MLLT10: variants seen among roughly 807,000 people sequenced by gnomAD.
The protein encoded by MLLT10 is MLLT10 histone lysine methyltransferase DOT1L cofactor, also known as protein AF-10.
Under a neutral mutation model 129.1 loss-of-function variants are expected in MLLT10, and 30 were observed. That is an observed-to-expected ratio of 0.23 (90% confidence interval 0.17 to 0.32). The LOEUF (loss-of-function observed/expected upper bound fraction) is 0.32. Among genes scored for constraint, MLLT10 ranks in the 10% least tolerant of loss-of-function variants. The pLI, the probability that MLLT10 is intolerant of heterozygous loss-of-function variation, is 1.00. For missense variants in MLLT10, 1,119 were observed against 1,268.3 expected (o/e 0.88, Z 1.79); for synonymous variants, 490 against 446.4 (o/e 1.10, Z -1.23).
intron 13 of MLLT10, among the ~76,000 whole-genome samples, chr10:21,696,380 A>G (rs987073463): frequency 7.9e-5 from 12 of 151,830 alleles, no homozygotes; most frequent in African/African-American, 2.2e-4. Context: ...GGTAATTTTA[A>G]TTAGGAAGGG....
At chr10:21,634,007 A>G (rs571858204) in intron 8 of MLLT10, among the ~76,000 whole-genome samples, 1 of 152,218 alleles carries the variant, frequency 6.6e-6, no homozygotes, top group East Asian at 1.9e-4. Context: ...TGGGAAGCCA[A>G]GGTGGGTGGA....
intron 17 of MLLT10, among the ~76,000 whole-genome samples, chr10:21,731,891 T>C (rs2057999886): frequency 6.6e-6 from 1 of 152,220 alleles, no homozygotes; most frequent in African/African-American, 2.4e-5. Flanking sequence ...ATTTTGCTTA[T>C]TGTTGGCTAG....
At chr10:21,568,780 G>A (rs574132885) in intron 3 of MLLT10, among the ~76,000 whole-genome samples, 29 of 152,230 alleles carry the variant, frequency 1.9e-4, no homozygotes, top group African/African-American at 6.7e-4. Flanking sequence ...GCGGTTACAG[G>A]AGCCTGCTAC....
chr10:21,672,580 C>G (rs2051574444), intron 10 of MLLT10, among the ~76,000 whole-genome samples: 1 of 152,106 alleles, frequency 6.6e-6, no homozygotes, highest in Non-Finnish European at 1.5e-5. Context: ...GCTGGGATTA[C>G]AGGCATGAGC....
At chr10:21,736,319 C>G (rs1354066178) in intron 21 of MLLT10, among the ~76,000 whole-genome samples, 1 of 152,188 alleles carries the variant, frequency 6.6e-6, no homozygotes, top group African/African-American at 2.4e-5. Flanking sequence ...GAGTTTTGCT[C>G]TGTCGCCCAG....
At chr10:21,602,449 G>C (rs1225531642) in intron 5 of MLLT10, among the ~76,000 whole-genome samples, 2 of 152,068 alleles carry the variant, frequency 1.3e-5, no homozygotes, top group African/African-American at 4.8e-5. Context: ...TTTTTATAGG[G>C]TTATGTCAAG....
intron 8 of MLLT10, among the ~76,000 whole-genome samples, chr10:21,622,294 A>ACT (rs2045958762): frequency 6.7e-6 from 1 of 149,424 alleles, no homozygotes; most frequent in Non-Finnish European, 1.5e-5. Context: ...AGTAGCTGGG[A>ACT]CTACCAGCGT....
At chr10:21,616,539 A>G (rs988384242) in intron 7 of MLLT10, among the ~76,000 whole-genome samples, 5 of 152,156 alleles carry the variant, frequency 3.3e-5, no homozygotes, top group African/African-American at 1.2e-4. Context: ...CTTTTTAGTA[A>G]TGCTTTGAAA....
intron 13 of MLLT10, among the ~76,000 whole-genome samples, chr10:21,685,719 T>C (rs1217649806): frequency 1.3e-5 from 2 of 151,802 alleles, no homozygotes; most frequent in African/African-American, 2.4e-5. Context: ...GAAACAACTC[T>C]ATTACTTTAG....
intron 5 of MLLT10, among the ~76,000 whole-genome samples, chr10:21,605,146 G>C (rs2043933974): frequency 6.6e-6 from 1 of 151,458 alleles, no homozygotes; most frequent in Non-Finnish European, 1.5e-5. Context: ...GCTTAGCCTA[G>C]TCTACCTTAA....
chr10:21,602,024 A>G (rs910892947), intron 5 of MLLT10, among the ~76,000 whole-genome samples: 4 of 152,188 alleles, frequency 2.6e-5, no homozygotes, highest in Non-Finnish European at 5.9e-5. Flanking sequence ...AATTTGAGAA[A>G]TCTGTGATTC....
At chr10:21,575,425 G>C (rs1456429419) in intron 3 of MLLT10, among the ~76,000 whole-genome samples, 1 of 152,120 alleles carries the variant, frequency 6.6e-6, no homozygotes, top group Non-Finnish European at 1.5e-5. Flanking sequence ...TTGAACTTGC[G>C]ACCTCAGATG....
chr10:21,736,509 C>T (rs2058376961), intron 21 of MLLT10, among the ~76,000 whole-genome samples: 2 of 152,176 alleles, frequency 1.3e-5, no homozygotes, highest in Admixed American at 1.3e-4. Context: ...GTCTTGAACT[C>T]CTGACCTCAA....
intron 9 of MLLT10, 53 bp downstream of exon 9, chr10:21,651,821 A>C: frequency 1.7e-6 from 2 of 1,187,924 alleles, no homozygotes; most frequent in African/African-American, 1.6e-5. Context: ...TATTGTGCTG[A>C]TTTTCACCTC....
chr10:21,571,964 T>C (rs1331954379), intron 3 of MLLT10: 1 of 152,246 alleles, frequency 6.6e-6, no homozygotes, highest in East Asian at 1.9e-4. Context: ...TATCAGTGTT[T>C]TCTTTTGTAG....
At chr10:21,708,896 T>C (rs1224622137) in intron 13 of MLLT10, among the ~76,000 whole-genome samples, 1 of 152,220 alleles carries the variant, frequency 6.6e-6, no homozygotes, top group Non-Finnish European at 1.5e-5. Flanking sequence ...TGGCCGTAGC[T>C]ACCATTTATT....
chr10:21,703,258 T>C (rs2055100368), intron 13 of MLLT10, among the ~76,000 whole-genome samples: 1 of 152,104 alleles, frequency 6.6e-6, no homozygotes, highest in Non-Finnish European at 1.5e-5. Context: ...GAAGGATAAT[T>C]TTGCTGTATG....
chr10:21,683,676 A>G (rs2052980737), intron 13 of MLLT10, among the ~76,000 whole-genome samples: 2 of 151,832 alleles, frequency 1.3e-5, no homozygotes, highest in African/African-American at 4.8e-5. Context: ...AAAAATTTGT[A>G]CAGTATTTTC....
chr10:21,562,822 T>G (rs1468098842), intron 3 of MLLT10, among the ~76,000 whole-genome samples: 4 of 132,058 alleles, frequency 3.0e-5, no homozygotes, highest in East Asian at 2.0e-4. Flanking sequence ...TTTTTTGTTT[T>G]TTTTTTTTTT....
Sources: gnomAD v4.1 joint callset for allele counts (sites outside exome capture counted in the v4.1 genomes callset) on GRCh38, gnomAD v4.1.1 for gene constraint, MANE v1.5 for transcripts, NCBI Gene and HGNC (gene_info 2026-07-23, HGNC 2026-07-21) for gene names.